The following UGGT1 variants were observed in gnomAD, a reference collection of about 807,000 sequenced individuals.
UGGT1 encodes the protein UDP-glucose:glycoprotein glucosyltransferase 1.
In UGGT1, 107 loss-of-function variants were observed where a neutral mutation model predicts 203.9. The ratio of observed to expected loss-of-function variants is 0.52; its 90% confidence interval spans 0.45 to 0.62. The LOEUF (loss-of-function observed/expected upper bound fraction) is 0.62, where lower values mean the gene tolerates loss of function less well. Ranked by LOEUF, UGGT1 falls within the 20% of genes least tolerant of loss-of-function variation. UGGT1 has a pLI of 0.00. For missense variants in UGGT1, 1,673 were observed against 1,867.2 expected, an observed-to-expected ratio of 0.90 and a Z score of 1.92; for synonymous variants, 628 against 653.5, an observed-to-expected ratio of 0.96 and a Z score of 0.59.
At chr2:128,176,509 G>A (rs917065623) in intron 31 of UGGT1, among the ~76,000 whole-genome samples, 9 of 152,036 alleles carry the variant, frequency 5.9e-5, no homozygotes, top group African/African-American at 2.2e-4. Context: ...TCTGTGCTTG[G>A]CTCAGAGCTT....
At chr2:128,171,737 A>G (rs1573613588) in intron 28 of UGGT1, among the ~76,000 whole-genome samples, 1 of 152,102 alleles carries the variant, frequency 6.6e-6, no homozygotes, top group African/African-American at 2.4e-5. Context: ...CGAACTCCTG[A>G]CCTCAAGTGA....
intron 3 of UGGT1, among the ~76,000 whole-genome samples, chr2:128,107,146 G>A (rs554797148): frequency 3.3e-5 from 5 of 151,866 alleles, no homozygotes; most frequent in African/African-American, 1.2e-4. Flanking sequence ...TTAGCCTTAA[G>A]TGTTTTTTAC....
intron 2 of UGGT1, among the ~76,000 whole-genome samples, chr2:128,100,077 T>C (rs951124709): frequency 8.2e-6 from 1 of 121,644 alleles, no homozygotes; most frequent in Admixed American, 1.1e-4. Context: ...TCACCCAGAC[T>C]GGAGTTCAGT....
intron 10 of UGGT1, 89 bp downstream of exon 10, chr2:128,121,387 T>A: frequency 1.2e-6 from 1 of 866,218 alleles, no homozygotes; most frequent in Non-Finnish European, 1.7e-6. Flanking sequence ...ATATGAAAAT[T>A]CCTAGAAAAT....
At chr2:128,170,000 A>T (rs921624484) in intron 26 of UGGT1, among the ~76,000 whole-genome samples, 1 of 152,194 alleles carries the variant, frequency 6.6e-6, no homozygotes, top group Non-Finnish European at 1.5e-5. Context: ...AAACTGGCAT[A>T]ATGTTATCAG....
intron 13 of UGGT1, among the ~76,000 whole-genome samples, chr2:128,132,186 G>A (rs1011487715): frequency 2.0e-5 from 3 of 151,486 alleles, no homozygotes; most frequent in Admixed American, 6.6e-5. Context: ...TTGGGTTTCC[G>A]CTGTTTATTT....
At chr2:128,109,869 C>G in intron 5 of UGGT1, 123 bp downstream of exon 5, 1 of 717,210 alleles carries the variant, frequency 1.4e-6, no homozygotes, top group Non-Finnish European at 2.3e-6. Context: ...AGTATGGCTT[C>G]TGGAACCAGA....
chr2:128,121,462 G>A (rs1365046809), intron 10 of UGGT1, among the ~76,000 whole-genome samples, 164 bp downstream of exon 10: 4 of 143,650 alleles, frequency 2.8e-5, no homozygotes, highest in Non-Finnish European at 6.0e-5. Context: ...CTAGAGTGCA[G>A]TGGTGCAATC....
intron 26 of UGGT1, among the ~76,000 whole-genome samples, chr2:128,168,197 G>C (rs1056011947): frequency 6.6e-6 from 1 of 152,202 alleles, no homozygotes; most frequent in East Asian, 1.9e-4. Flanking sequence ...GTTGGATCCT[G>C]ACTTGCTTCT....
At chr2:128,127,499 G>A (rs370159955) in intron 12 of UGGT1, 47 bp downstream of exon 12, 27 of 1,358,576 alleles carry the variant, frequency 2.0e-5, no homozygotes, top group Admixed American at 1.9e-4. Context: ...GTAATGCGTA[G>A]CACCTTGTAA....
At chr2:128,117,067 A>C (rs1205600437) in intron 8 of UGGT1, among the ~76,000 whole-genome samples, 1 of 152,136 alleles carries the variant, frequency 6.6e-6, no homozygotes, top group Non-Finnish European at 1.5e-5. Flanking sequence ...AATGGGAAAA[A>C]CATTTTATTA....
chr2:128,109,472 C>G (rs754215898), intron 4 of UGGT1, among the ~76,000 whole-genome samples, 162 bp from the exon 5 acceptor site: 13 of 152,044 alleles, frequency 8.6e-5, no homozygotes, highest in Non-Finnish European at 1.6e-4. Flanking sequence ...TGCTCCCACT[C>G]TGGTCTCCCA....
At chr2:128,120,479 A>C in intron 9 of UGGT1, 23 bp downstream of exon 9, 1 of 1,592,384 alleles carries the variant, frequency 6.3e-7, no homozygotes, top group Non-Finnish European at 8.6e-7. Context: ...GGGAGAGGTC[A>C]TTGGCCTACT....
At chr2:128,115,087 C>G (rs1251936670) in intron 6 of UGGT1, 37 bp from the exon 7 acceptor site, 1 of 1,585,686 alleles carries the variant, frequency 6.3e-7, no homozygotes, top group South Asian at 1.1e-5. Flanking sequence ...ATAGAAAGAG[C>G]TAGGTGGTAA....
At chr2:128,136,982 T>C (rs1445312145) in intron 15 of UGGT1, among the ~76,000 whole-genome samples, 1 of 152,252 alleles carries the variant, frequency 6.6e-6, no homozygotes, top group Non-Finnish European at 1.5e-5. Context: ...GATCTACTTA[T>C]ATTTATCACC....
At position 128,189,864 on chromosome 2, in the gene UGGT1, T is replaced by A; in HGVS notation, c.*122T>A. ...GGCTGGGCAGGAGTGCCACACCTTT[T>A]GATTCTGAGCATTTGATTCTGACTT... On this transcript the variant is annotated 3_prime_UTR_variant, in exon 41 of 41. Transcript: ENST00000259253. The A allele has an allele frequency of 9.3e-7, 1 of 1,074,592 alleles. No individual in the cohort carries two copies. Among genetic ancestry groups the A allele is most frequent in the Non-Finnish European group, 1.4e-6 (1 of 728,384 alleles). 66.6% of individuals were successfully genotyped at this position (1,074,592 alleles called of 1,614,324 possible).
intron 26 of UGGT1, among the ~76,000 whole-genome samples, chr2:128,166,041 T>C (rs1231900952): frequency 6.6e-6 from 1 of 152,228 alleles, no homozygotes; most frequent in Non-Finnish European, 1.5e-5. Context: ...GGCCGAAAAC[T>C]TTTGTTTTAA....
intron 16 of UGGT1, among the ~76,000 whole-genome samples, chr2:128,142,403 G>A (rs2105455122): frequency 6.6e-6 from 1 of 150,510 alleles, no homozygotes; most frequent in Admixed American, 6.6e-5. Context: ...AGCCAGTATG[G>A]TGAAACCCCG....
At chr2:128,158,212 T>G (rs1690336696) in intron 22 of UGGT1, among the ~76,000 whole-genome samples, 1 of 152,114 alleles carries the variant, frequency 6.6e-6, no homozygotes, top group African/African-American at 2.4e-5. Flanking sequence ...GAGAGTTGCA[T>G]TTTTTAATAA....
Sources: allele counts gnomAD v4.1 joint callset (sites outside exome capture counted in the v4.1 genomes callset), GRCh38; gene constraint gnomAD v4.1.1; transcripts MANE v1.5; gene names NCBI Gene and HGNC (gene_info 2026-07-23, HGNC 2026-07-21).